MTUS2: variants seen among roughly 807,000 people sequenced by gnomAD.
MTUS2 encodes the protein microtubule-associated tumor suppressor candidate 2.
In MTUS2, 40 loss-of-function variants were observed where a neutral mutation model predicts 114.1. The observed-to-expected ratio is 0.35, with a 90% CI of 0.27 to 0.46. The LOEUF is 0.46. Ranked by LOEUF, MTUS2 falls within the 20% of genes least tolerant of loss-of-function variation. The pLI is 1.00. For missense variants in MTUS2, 1,679 were observed against 1,705.4 expected (o/e 0.98, Z 0.27); for synonymous variants, 688 against 672.0 (o/e 1.02, Z -0.37).
At chr13:29,454,530 G>A (rs1029869596) in intron 9 of MTUS2, among the ~76,000 whole-genome samples, 21 of 152,208 alleles carry the variant, frequency 1.4e-4, no homozygotes, top group Non-Finnish European at 2.8e-4. Context: ...TTTGTAGGCA[G>A]ATCTACCTGG....
intron 5 of MTUS2, among the ~76,000 whole-genome samples, chr13:29,162,676 T>C (rs1893148815): frequency 6.6e-6 from 1 of 152,198 alleles, no homozygotes. Context: ...TAAGTGACAA[T>C]TTTGCTGTGT....
chr13:29,465,756 G>A (rs560128744), intron 9 of MTUS2, among the ~76,000 whole-genome samples: 3 of 152,218 alleles, frequency 2.0e-5, no homozygotes, highest in Admixed American at 1.3e-4. Context: ...GCATGCTGGG[G>A]GCTTCGTGAA....
At chr13:29,100,321 T>C (rs1246973978) in intron 4 of MTUS2, among the ~76,000 whole-genome samples, 1 of 152,222 alleles carries the variant, frequency 6.6e-6, no homozygotes, top group Non-Finnish European at 1.5e-5. Flanking sequence ...ATAAGACTTA[T>C]TACAAACTGC....
intron 7 of MTUS2, among the ~76,000 whole-genome samples, chr13:29,326,807 C>G (rs565771017): frequency 6.6e-6 from 1 of 152,024 alleles, no homozygotes; most frequent in South Asian, 2.1e-4. Flanking sequence ...ATGGTGAAAC[C>G]CTGTCTCTGC....
intron 2 of MTUS2, among the ~76,000 whole-genome samples, chr13:28,905,741 T>A (rs1437706300): frequency 6.6e-6 from 1 of 151,534 alleles, no homozygotes. Context: ...TCTGCCAGGC[T>A]TTGGTATCAG....
At chr13:28,827,545 A>T (rs2137936054) in intron 1 of MTUS2, among the ~76,000 whole-genome samples, 1 of 152,330 alleles carries the variant, frequency 6.6e-6, no homozygotes, top group East Asian at 1.9e-4. Context: ...TTTAGAGAAT[A>T]ACAATAAAAG....
At chr13:29,324,168 C>T (rs1422343728) in intron 6 of MTUS2, among the ~76,000 whole-genome samples, 1 of 152,210 alleles carries the variant, frequency 6.6e-6, no homozygotes, top group Non-Finnish European at 1.5e-5. Context: ...CCATGTCCCC[C>T]GTGGCTTGGC....
intron 5 of MTUS2, among the ~76,000 whole-genome samples, chr13:29,206,290 A>G (rs994836662): frequency 8.5e-5 from 13 of 152,184 alleles, no homozygotes; most frequent in African/African-American, 2.9e-4. Flanking sequence ...TGAGTTTCTC[A>G]TAGATTCTGG....
intron 2 of MTUS2, among the ~76,000 whole-genome samples, chr13:28,932,975 A>G (rs1331850007): frequency 6.6e-6 from 1 of 152,252 alleles, no homozygotes; most frequent in Non-Finnish European, 1.5e-5. Context: ...GTTTCTGCAC[A>G]GAAGGGAATT....
intron 5 of MTUS2, among the ~76,000 whole-genome samples, chr13:29,158,358 C>CTTTTTTT (rs372666382): frequency 6.2e-5 from 2 of 32,056 alleles, no homozygotes; most frequent in African/African-American, 2.1e-4. Flanking sequence ...GTCCACCCCG[C>CTTTTTTT]TTTTTTTTTT....
At chr13:29,494,165 G>A (rs1039533263) in intron 12 of MTUS2, among the ~76,000 whole-genome samples, 4 of 152,262 alleles carry the variant, frequency 2.6e-5, no homozygotes, top group Non-Finnish European at 4.4e-5. Flanking sequence ...GGTGTGAACA[G>A]ATTAAGGGAA....
At chr13:29,225,977 G>A (rs9508321) in intron 5 of MTUS2, among the ~76,000 whole-genome samples, 129,866 of 152,168 alleles carry the variant, frequency 0.85, 55,556 homozygotes, top group African/African-American at 0.91. Context: ...AATCAACCTG[G>A]AATTGATATG....
chr13:28,891,496 T>A (rs1044383162), intron 2 of MTUS2, among the ~76,000 whole-genome samples: 1 of 151,876 alleles, frequency 6.6e-6, no homozygotes, highest in Admixed American at 6.6e-5. Context: ...TAAAAAATAG[T>A]ATGAGGGAGG....
At chr13:29,155,676 G>C (rs1327708933) in intron 5 of MTUS2, among the ~76,000 whole-genome samples, 2 of 152,004 alleles carry the variant, frequency 1.3e-5, no homozygotes, top group African/African-American at 4.8e-5. Context: ...CAGAAATTCT[G>C]TATTTCTAAC....
chr13:29,471,657 C>T (rs978098233), intron 9 of MTUS2, among the ~76,000 whole-genome samples: 4 of 151,940 alleles, frequency 2.6e-5, no homozygotes, highest in Non-Finnish European at 2.9e-5. Context: ...TATTACCACA[C>T]GGGTGCATCA....
At chr13:29,031,806 C>A (rs922962138) in intron 3 of MTUS2, among the ~76,000 whole-genome samples, 38 of 152,028 alleles carry the variant, frequency 2.5e-4, no homozygotes, top group African/African-American at 8.7e-4. Flanking sequence ...ACCCTTCCCC[C>A]ACCACTATCC....
chr13:29,168,260 T>C (rs889717438), intron 5 of MTUS2, among the ~76,000 whole-genome samples: 1 of 152,216 alleles, frequency 6.6e-6, no homozygotes, highest in Non-Finnish European at 1.5e-5. Context: ...GTGCTTGTTA[T>C]GGACGTTGAT....
chr13:29,491,819 G>GGTGTGTGTGTGTGTGGGGTAGGT (rs151170147), intron 11 of MTUS2, among the ~76,000 whole-genome samples: 1 of 142,054 alleles, frequency 7.0e-6, no homozygotes, highest in African/African-American at 2.6e-5. Context: ...GTGTGGGGTA[G>GGTGTGTGTGTGTGTGGGGTAGGT]GTGTGTGTGT....
At chr13:28,908,820 T>C (rs1476699985) in intron 2 of MTUS2, among the ~76,000 whole-genome samples, 2 of 151,646 alleles carry the variant, frequency 1.3e-5, no homozygotes, top group Non-Finnish European at 2.9e-5. Context: ...TTTATGGTTT[T>C]AGGTCTAACA....
Sources: allele counts gnomAD v4.1 joint callset (sites outside exome capture counted in the v4.1 genomes callset), GRCh38; gene constraint gnomAD v4.1.1; transcripts MANE v1.5; gene names NCBI Gene and HGNC (gene_info 2026-07-23, HGNC 2026-07-21).